UNKL: variants seen among roughly 807,000 people sequenced by gnomAD.
The protein encoded by UNKL is unk like zinc finger.
In UNKL, 60 loss-of-function variants were observed where a neutral mutation model predicts 78.0. That is an observed-to-expected ratio of 0.77 (90% CI 0.63 to 0.95). The LOEUF (loss-of-function observed/expected upper bound fraction) is 0.95. UNKL is among the 40% of genes least tolerant of loss of function. The probability of loss-of-function intolerance (pLI) is 0.00; values close to 1 mark genes in which losing one functional copy is unlikely to be tolerated. For synonymous variants in UNKL, 608 were observed against 474.8 expected (o/e 1.28, Z -3.65); for missense variants, 1,159 against 1,045.7 (o/e 1.11, Z -1.49).
At chr16:1,367,620 C>G in intron 13 of UNKL, 36 bp downstream of exon 13, 2 of 1,533,572 alleles carry the variant, frequency 1.3e-6, no homozygotes, top group African/African-American at 2.9e-5. Flanking sequence ...GCGGCCCTCC[C>G]TCCCCCTCAC....
chr16:1,388,606 C>T (rs956193210), intron 9 of UNKL, among the ~76,000 whole-genome samples: 2 of 152,180 alleles, frequency 1.3e-5, no homozygotes, highest in African/African-American at 4.8e-5. Context: ...CCATGTCACT[C>T]CTTGTACCCC....
intron 2 of UNKL, among the ~76,000 whole-genome samples, chr16:1,409,638 T>C (rs913594734): frequency 1.3e-5 from 2 of 152,118 alleles, no homozygotes; most frequent in Non-Finnish European, 2.9e-5. Context: ...TTTGTAATGA[T>C]GTTATGGAAC....
In UNKL at chr16:1,367,751, G is replaced by A. The variant is rs763860235; in HGVS notation, c.1693C>T (p.Pro565Ser). 12 of 1,576,130 alleles carry A rather than the reference G, an allele frequency of 7.6e-6. No homozygotes were observed. The highest frequency in any genetic ancestry group is 1.4e-5 in the African/African-American group (1 of 74,028). ...ACCCGGGCCAGCTCAGCTCCGTTTG[G>A]ACTTGCACTCGAAGAGGATGGGGGG... is the stretch of plus-strand genomic sequence containing the variant. ...AGPPSSSSAS[P>S]NGAELARVRR... Residue 565 changes from proline (P) to serine (S), a missense_variant, in exon 13 of 15, where the codon CCA becomes TCA. Physicochemically the swap from Pro to Ser is moderately conservative, Grantham distance 74. Coordinates refer to ENST00000389221, the MANE Select transcript of UNKL (RefSeq NM_001372107.1).
intron 6 of UNKL, 75 bp downstream of exon 6, chr16:1,397,102 TA>T: frequency 6.8e-7 from 1 of 1,463,740 alleles, no homozygotes; most frequent in Non-Finnish European, 9.3e-7. Flanking sequence ...TTCTGTGTGA[TA>T]ACCACGCTGT....
Position 1,390,649 on chromosome 16 carries a change from C to G in UNKL, c.1069G>C (p.Glu357Gln). ...GCCTGTACCTGCTTGCTGTCTTGCT[C>G]GCTGCCCCTAGGGCCACCCTCGGCC... Reference protein sequence around the residue: ...SPAEGGPRGSEQDSKQNHLAV... With the variant: ...SPAEGGPRGSQQDSKQNHLAV... The change falls in exon 9 of 15, where the codon GAG becomes CAG. Residue 357 changes from glutamate (E) to glutamine (Q), a missense_variant. Glu to Gln is a conservative substitution (Grantham distance 29, BLOSUM62 2). Coordinates refer to ENST00000389221, the MANE Select transcript of UNKL (RefSeq NM_001372107.1). 2.0e-6 allele frequency: 3 copies of G among 1,536,024 alleles called. No individual in the cohort carries two copies. Among genetic ancestry groups the G allele is most frequent in the Non-Finnish European group, 2.6e-6 (3 of 1,146,872 alleles).
At chr16:1,404,992 A>C (rs1181176988) in intron 2 of UNKL, among the ~76,000 whole-genome samples, 1 of 152,098 alleles carries the variant, frequency 6.6e-6, no homozygotes, top group Non-Finnish European at 1.5e-5. Flanking sequence ...CTAGGGGTTC[A>C]AGACTAGCCT....
intron 10 of UNKL, among the ~76,000 whole-genome samples, chr16:1,382,518 C>A (rs2036640060): frequency 6.6e-6 from 1 of 152,218 alleles, no homozygotes; most frequent in Non-Finnish European, 1.5e-5. Flanking sequence ...TCCCACTCTC[C>A]CCATGGCCTC....
intron 13 of UNKL, 77 bp downstream of exon 13, chr16:1,367,575 CCCAT>C (rs2035403578): frequency 1.8e-5 from 16 of 865,794 alleles, no homozygotes; most frequent in Non-Finnish European, 2.5e-5. Flanking sequence ...TCCCTCCCCT[CCCAT>C]CTCACCCCCA....
chr16:1,374,967 C>T lies in UNKL; in HGVS notation c.1265-3356G>A, dbSNP rs550687700. On this transcript the variant is annotated intron_variant, in intron 10 of 14. Transcript: ENST00000389221. Reference sequence around the variant, plus strand: ...CACATGAGATTTGTCGGGAACACAGCTGTGGGGCACGTGGCCTGCACCTCA... The same window carrying T: ...CACATGAGATTTGTCGGGAACACAGTTGTGGGGCACGTGGCCTGCACCTCA... Among the ~76,000 whole-genome samples, 9 of 152,354 alleles carry T rather than the reference C, an allele frequency of 5.9e-5. No individual in the cohort carries two copies. In the East Asian group the frequency reaches 1.7e-3, roughly 29 times the overall value.
chr16:1,414,340 C>A (rs2038181583), intron 1 of UNKL, among the ~76,000 whole-genome samples: 1 of 152,116 alleles, frequency 6.6e-6, no homozygotes, highest in Non-Finnish European at 1.5e-5. Flanking sequence ...GCAGAGGGTC[C>A]CGGTCCCCGA....
intron 2 of UNKL, among the ~76,000 whole-genome samples, chr16:1,409,260 T>C (rs1343285670): frequency 1.3e-5 from 2 of 152,174 alleles, no homozygotes; most frequent in Non-Finnish European, 2.9e-5. Flanking sequence ...GAAGGCCCTG[T>C]CCTTATTCTG....
At chr16:1,394,527 G>T (rs1312426205) in intron 6 of UNKL, 1 of 552,266 alleles carries the variant, frequency 1.8e-6, no homozygotes, top group African/African-American at 1.9e-5. Context: ...AGTCTGGTAT[G>T]CAGCAGGTGC....
At chr16:1,396,921 C>A in intron 6 of UNKL, 1 of 507,992 alleles carries the variant, frequency 2.0e-6, no homozygotes. Context: ...TTTCTCTCTG[C>A]TTTTTTCCCA....
intron 6 of UNKL, chr16:1,396,906 G>A: frequency 4.2e-6 from 2 of 471,068 alleles, no homozygotes; most frequent in East Asian, 4.1e-5. Context: ...GTTTTTAATT[G>A]ACATTTTCTC....
intron 8 of UNKL, 138 bp downstream of exon 8, chr16:1,392,753 T>C: frequency 1.9e-6 from 2 of 1,041,146 alleles, no homozygotes; most frequent in Non-Finnish European, 2.8e-6. Context: ...AGGATTTTTC[T>C]AGACTCTTCT....
chr16:1,381,806 G>A (rs1370370842), intron 10 of UNKL, among the ~76,000 whole-genome samples: 4 of 152,152 alleles, frequency 2.6e-5, no homozygotes, highest in Non-Finnish European at 5.9e-5. Context: ...CACCGGGCCC[G>A]GTGGTGCCTG....
Position 1,367,223 on chromosome 16 carries a change from C to G in UNKL, c.1915G>C (p.Glu639Gln), listed in dbSNP as rs768671225. 68 of 1,602,004 alleles carry G rather than the reference C, an allele frequency of 4.2e-5. No individual in the cohort carries two copies. Among genetic ancestry groups the G allele is most frequent in the Non-Finnish European group, 5.4e-5 (64 of 1,177,110 alleles). The part of the protein sequence containing the change: ...VEAQVKQLQE[E>Q]LEGLGVASTL... ...GAGGCTACGCCCAGGCCCTCCAGCTCCTCCTGCAGCTGCTTCACCTGTGCC... is the reference window on the plus strand; with the variant it reads ...GAGGCTACGCCCAGGCCCTCCAGCTGCTCCTGCAGCTGCTTCACCTGTGCC... The change falls in exon 14 of 15, where the codon GAG becomes CAG. Residue 639 changes from glutamate (E) to glutamine (Q), a missense_variant. Transcript: ENST00000389221.
At position 1,399,921 on chromosome 16, in the gene UNKL, G is replaced by A. The variant is rs1000319687; in HGVS notation, c.599-412C>T. ...AGAGACATGCACACCCCGAAATGCC[G>A]CATGGTGAGCCTCATGCGCACCACA... is the stretch of plus-strand genomic sequence containing the variant. On this transcript the variant is annotated intron_variant, in intron 4 of 14. Transcript: ENST00000389221. This position sits in a 1 kb window ranked among gnomAD's most constrained non-coding sequence, Gnocchi z 5.8. Among the ~76,000 whole-genome samples the A allele has an allele frequency of 3.4e-5, 5 of 147,712 alleles. No individual in the cohort carries two copies. The highest frequency in any genetic ancestry group is 2.1e-4 in the East Asian group (1 of 4,836).
chr16:1,398,752 G>A lies in UNKL; in HGVS notation c.734+622C>T, dbSNP rs745970556. 561 of 1,300,920 alleles carry A rather than the reference G, an allele frequency of 4.3e-4. 1 individual carries two copies. Among genetic ancestry groups the A allele is most frequent in the Non-Finnish European group, 5.3e-4 (529 of 998,214 alleles). 80.6% of individuals were successfully genotyped at this position (1,300,920 alleles called of 1,614,324 possible). On this transcript the variant is annotated intron_variant, in intron 5 of 14. Transcript: ENST00000389221. ...CCAGGCCAGGCACAACCAGAAGGCC[G>A]GGCTGGAGCAAGGAGGAGAAAGGGG... is the stretch of plus-strand genomic sequence containing the variant.
Sources: allele counts gnomAD v4.1 joint callset (sites outside exome capture counted in the v4.1 genomes callset), GRCh38; gene constraint gnomAD v4.1.1; non-coding constraint Gnocchi (gnomAD v3.1); transcripts MANE v1.5; gene names NCBI Gene and HGNC (gene_info 2026-07-23, HGNC 2026-07-21).